Variants in APOA4 observed in about 807,000 individuals in gnomAD.
APOA4 encodes apolipoprotein A-IV.
Under a neutral mutation model 33.6 loss-of-function variants are expected in APOA4, and 25 were observed. The ratio of observed to expected loss-of-function variants is 0.74; its 90% CI spans 0.54 to 1.04. APOA4 has a LOEUF of 1.04. Among genes scored for constraint, APOA4 ranks in the 50% least tolerant of loss-of-function variants. The probability of loss-of-function intolerance (pLI) is 0.00; values close to 1 mark genes in which losing one functional copy is unlikely to be tolerated. For missense variants in APOA4, 549 were observed against 510.4 expected (o/e 1.08, Z -0.73); for synonymous variants, 228 against 224.0 (o/e 1.02, Z -0.16).
chr11:116,822,814 G>C, intron 1 of APOA4, 29 bp from the exon 2 acceptor site: 1 of 1,613,618 alleles, frequency 6.2e-7, no homozygotes. Flanking sequence ...CAATTCATGA[G>C]GCCCCGTCTC....
At position 116,821,683 on chromosome 11, in the gene APOA4, C is replaced by G; in HGVS notation, c.375G>C (p.Gly125=). 6.3e-7 allele frequency: 1 copy of G among 1,597,340 alleles called. No individual in the cohort carries two copies. The highest frequency in any genetic ancestry group is 8.6e-7 in the Non-Finnish European group (1 of 1,166,828). ...PHANEVSQKI[G]DNLRELQQRL... ...GCTGCTGAAGCTCTCGCAGGTTGTC[C>G]CCGATCTTCTGGCTCACCTCATTGG... is the stretch of plus-strand genomic sequence containing the variant. The change falls in exon 3 of 3, where the codon GGG becomes GGC. Residue 125 remains glycine, a synonymous_variant. Transcript: ENST00000357780.
chr11:116,821,550 C>G lies in APOA4; in HGVS notation c.508G>C (p.Glu170Gln), dbSNP rs200824051. ...YAQRMERVLR[E>Q]NADSLQASLR... ...GAGGCCTGCAGGCTGTCGGCGTTCT[C>G]CCGCAGCACTCTCTCCATGCGCTGT... is the stretch of plus-strand genomic sequence containing the variant. Residue 170 changes from glutamate to glutamine, a missense_variant, in exon 3 of 3, where the codon GAG becomes CAG. Glu to Gln is a conservative substitution (Grantham distance 29). Coordinates refer to ENST00000357780, the MANE Select transcript of APOA4 (RefSeq NM_000482.4). The G allele has an allele frequency of 2.0e-5, 33 of 1,612,504 alleles. No individual in the cohort carries two copies. The East Asian group carries it at 6.2e-4, about 30-fold the overall frequency.
intron 2 of APOA4, among the ~76,000 whole-genome samples, chr11:116,822,383 C>T (rs1413687622): frequency 2.6e-5 from 4 of 152,176 alleles, no homozygotes; most frequent in Non-Finnish European, 5.9e-5. Context: ...GCTCACGTGA[C>T]ATTTTCCTCC....
chr11:116,822,509 T>A (rs1941338699), intron 2 of APOA4, 150 bp downstream of exon 2: 1 of 1,163,636 alleles, frequency 8.6e-7, no homozygotes, highest in African/African-American at 1.5e-5. Flanking sequence ...TTTACATATG[T>A]GGATCCTAGG....
intron 2 of APOA4, among the ~76,000 whole-genome samples, chr11:116,822,125 A>C (rs971230143): frequency 1.3e-5 from 2 of 151,926 alleles, no homozygotes; most frequent in Non-Finnish European, 2.9e-5. Context: ...CCACCATGTC[A>C]CCTCCAGCAG....
rs1335962350 is a variant in APOA4 at position 116,822,512 on chromosome 11, A to T, written c.176+147T>A. The T allele has an allele frequency of 7.6e-6, 9 of 1,184,270 alleles. No homozygotes were observed. The East Asian group carries it at 1.9e-4, about 25-fold the overall frequency. The allele number at this position is 1,184,270 out of a possible 1,614,324, so 73.4% of individuals were successfully genotyped here. A position where few individuals can be genotyped will look rare whatever the true frequency, so the allele number is the denominator to read the frequency against. ...CCAAACTTCCGGTTTACATATGTGG[A>T]TCCTAGGTTCAGAGGCCCGGCCAGT... is the stretch of plus-strand genomic sequence containing the variant. On this transcript the variant is annotated intron_variant, in intron 2 of 2. Coordinates refer to ENST00000357780, the MANE Select transcript of APOA4 (RefSeq NM_000482.4).
Position 116,821,276 on chromosome 11 carries a change from T to G in APOA4, c.782A>C (p.Glu261Ala). Residue 261 changes from glutamate (E) to alanine (A), a missense_variant, in exon 3 of 3, where the codon GAG becomes GCG. Transcript: ENST00000357780. ...GGGCGCCAGCCTCTGCCGCAGCTCC[T>G]CGGCACTGGCCGAGATCCTGGCCTT... ...ELKARISASA[E>A]ELRQRLAPLA... 2 of 1,613,570 alleles carry G rather than the reference T, an allele frequency of 1.2e-6. No homozygotes were observed. The highest frequency in any genetic ancestry group is 2.2e-5 in the South Asian group (2 of 91,078).
rs771079346 is a variant in APOA4, at chr11:116,821,180, C to T, written c.878G>A (p.Gly293Asp). Residue 293 changes from glycine (G) to aspartate (D), a missense_variant, in exon 3 of 3, where the codon GGT becomes GAT. By Grantham distance (94) the Gly-to-Asp change is moderately conservative. Transcript: ENST00000357780. ...EGLQKSLAEL[G>D]GHLDQQVEEF... ...CTCCACCTGCTGGTCCAGGTGCCCA[C>T]CCAGCTCTGCCAGTGACTTCTGCAG... is the stretch of plus-strand genomic sequence containing the variant. The T allele has an allele frequency of 1.9e-6, 3 of 1,613,504 alleles. No individual in the cohort carries two copies. The highest frequency in any genetic ancestry group is 2.2e-5 in the South Asian group (2 of 91,086).
intron 1 of APOA4, among the ~76,000 whole-genome samples, 177 bp from the exon 2 acceptor site, chr11:116,822,962 A>G (rs533460530): frequency 2.0e-5 from 3 of 152,232 alleles, no homozygotes; most frequent in Admixed American, 6.5e-5. Flanking sequence ...ACCAATGCCA[A>G]TGGGCCCACC....
rs1565332883 is a variant in APOA4 at position 116,821,621 on chromosome 11, A to G, written c.437T>C (p.Val146Ala). Residue 146 changes from valine (V) to alanine (A), a missense_variant, in exon 3 of 3, where the codon GTC becomes GCC. Physicochemically the swap from Val to Ala is moderately conservative, Grantham distance 64 (BLOSUM62 0). Coordinates refer to ENST00000357780, the MANE Select transcript of APOA4 (RefSeq NM_000482.4). ...CCGCAGCTGCTCGGCCTGCGTGCTG[A>G]CCTGGGTGCGCAGCTGGTCCGCGTA... ...EPYADQLRTQ[V>A]STQAEQLRRQ... 6.2e-7 allele frequency: 1 copy of G among 1,610,342 alleles called. No individual in the cohort carries two copies. The highest frequency in any genetic ancestry group is 8.5e-7 in the Non-Finnish European group (1 of 1,178,644).
At chr11:116,822,564 G>C (rs13306177) in intron 2 of APOA4, 95 bp downstream of exon 2, 1 of 1,592,390 alleles carries the variant, frequency 6.3e-7, no homozygotes, top group Non-Finnish European at 8.6e-7. Context: ...GGTATCCTAA[G>C]CTCAGGGCTC....
chr11:116,821,880 C>T lies in APOA4; in HGVS notation c.178G>A (p.Ala60Thr). Reference sequence around the variant, plus strand: ...TCTCCAAGTTTGTCCTGGAAGAGGGCACTGTGGGGAAGGGCACAAGGAGGC... The same window carrying T: ...TCTCCAAGTTTGTCCTGGAAGAGGGTACTGTGGGGAAGGGCACAAGGAGGC... ...QKSELTQQLN[A>T]LFQDKLGEVN... is the part of the protein sequence containing the mutation. Residue 60 changes from alanine to threonine, a missense_variant and splice_region_variant, in exon 3 of 3, where the codon GCC becomes ACC. By Grantham distance (58) the Ala-to-Thr change is moderately conservative. Transcript: ENST00000357780. The T allele has an allele frequency of 6.2e-7, 1 of 1,613,458 alleles. No individual in the cohort carries two copies. Among genetic ancestry groups the T allele is most frequent in the Non-Finnish European group, 8.5e-7 (1 of 1,180,022 alleles).
At chr11:116,822,504 A>C (rs1330492412) in intron 2 of APOA4, among the ~76,000 whole-genome samples, 155 bp downstream of exon 2, 1 of 152,238 alleles carries the variant, frequency 6.6e-6, no homozygotes, top group African/African-American at 2.4e-5. Flanking sequence ...TCCGGTTTAC[A>C]TATGTGGATC....
intron 1 of APOA4, 25 bp from the exon 2 acceptor site, chr11:116,822,810 A>C: frequency 6.2e-7 from 1 of 1,613,774 alleles, no homozygotes; most frequent in Non-Finnish European, 8.5e-7. Flanking sequence ...AGAGCAATTC[A>C]TGAGGCCCCG....
At chr11:116,822,542 G>C in intron 2 of APOA4, 117 bp downstream of exon 2, 1 of 1,499,344 alleles carries the variant, frequency 6.7e-7, no homozygotes, top group Non-Finnish European at 9.2e-7. Flanking sequence ...GCCAGTTAGT[G>C]GCAGGGCAGT....
chr11:116,823,077 A>G (rs1941343866), intron 1 of APOA4, 66 bp downstream of exon 1: 1 of 1,590,670 alleles, frequency 6.3e-7, no homozygotes, highest in African/African-American at 1.3e-5. Context: ...GCTTTGGCTC[A>G]GCCTCCATCC....
chr11:116,822,398 C>A (rs530473611), intron 2 of APOA4, among the ~76,000 whole-genome samples: 1 of 152,186 alleles, frequency 6.6e-6, no homozygotes, highest in Non-Finnish European at 1.5e-5. Flanking sequence ...TCCTCCCTCC[C>A]TCTCTTCCAT....
In APOA4 at chr11:116,821,775, AG is replaced by A. The variant is rs1941328620; in HGVS notation, c.282del (p.Ser95ArgfsTer4). 3 of 1,576,890 alleles carry A rather than the reference AG, an allele frequency of 1.9e-6. No individual in the cohort carries two copies. The highest frequency in any genetic ancestry group is 2.6e-6 in the Non-Finnish European group (3 of 1,146,350). ...ATELHERLAK[D>X]SEKLKEEIGK... ...CCAATCTCCTCCTTCAGTTTCTCCG[AG>A]TCCTTGGCCAGGCGTTCATGCAGCT... is the stretch of plus-strand genomic sequence containing the variant. On this transcript the variant is annotated frameshift_variant, in exon 3 of 3. Coordinates refer to ENST00000357780, the MANE Select transcript of APOA4 (RefSeq NM_000482.4). LOFTEE classifies it high-confidence loss of function.
chr11:116,822,582 T>C, intron 2 of APOA4, 77 bp downstream of exon 2: 1 of 1,610,934 alleles, frequency 6.2e-7, no homozygotes, highest in Non-Finnish European at 8.5e-7. Flanking sequence ...CTCCTGTCTC[T>C]AAGCTCAACC....
Sources: gnomAD v4.1 joint callset for allele counts (sites outside exome capture counted in the v4.1 genomes callset) on GRCh38, gnomAD v4.1.1 for gene constraint, MANE v1.5 for transcripts, NCBI Gene and HGNC (gene_info 2026-07-23, HGNC 2026-07-21) for gene names.